SAP30BP: variants seen among roughly 807,000 people sequenced by gnomAD.
SAP30BP encodes the protein SAP30-binding protein.
In SAP30BP, 31 loss-of-function variants were observed where a neutral mutation model predicts 46.3. That is an observed-to-expected ratio of 0.67 (90% CI 0.50 to 0.90). SAP30BP has a LOEUF of 0.90. Ranked by LOEUF, SAP30BP falls within the 40% of genes least tolerant of loss-of-function variation. The probability of loss-of-function intolerance (pLI) is 0.00; values close to 1 mark genes in which losing one functional copy is unlikely to be tolerated. For missense variants in SAP30BP, 312 were observed against 391.0 expected, an observed-to-expected ratio of 0.80 and a Z score of 1.70; for synonymous variants, 169 against 144.2, an observed-to-expected ratio of 1.17 and a Z score of -1.23.
intron 5 of SAP30BP, among the ~76,000 whole-genome samples, chr17:75,700,574 C>T (rs1044896091): frequency 6.6e-5 from 10 of 152,174 alleles, no homozygotes; most frequent in African/African-American, 1.9e-4. Flanking sequence ...ACAGCAAGCC[C>T]GTGACACCGC....
intron 4 of SAP30BP, among the ~76,000 whole-genome samples, chr17:75,696,418 C>A (rs2060319935): frequency 6.6e-6 from 1 of 151,472 alleles, no homozygotes; most frequent in Admixed American, 6.6e-5. Context: ...GTGGTACTTG[C>A]CTATAGTCCA....
At position 75,699,698 on chromosome 17, in the gene SAP30BP, C is replaced by T. The variant is rs1044810012; in HGVS notation, c.308-85C>T. 6.7e-6 allele frequency: 6 copies of T among 899,020 alleles called. No homozygotes were observed. The African/African-American group carries it at 9.8e-5, about 15-fold the overall frequency. 55.7% of individuals were successfully genotyped at this position (899,020 alleles called of 1,614,324 possible). A position where few individuals can be genotyped will look rare whatever the true frequency, so the allele number is the denominator to read the frequency against. Reference sequence around the variant, plus strand: ...CATAGTGTTTATCCCTACCTGATAACATTTTATGTGCTTATGTTTTTTTGT... The same window carrying T: ...CATAGTGTTTATCCCTACCTGATAATATTTTATGTGCTTATGTTTTTTTGT... On this transcript the variant is annotated intron_variant, in intron 4 of 10. Transcript: ENST00000584667.
At chr17:75,679,651 C>T (rs2060045927) in intron 3 of SAP30BP, 1 of 152,186 alleles carries the variant, frequency 6.6e-6, no homozygotes, top group Non-Finnish European at 1.5e-5. Flanking sequence ...TTGCCCCAAA[C>T]TAGCGAACAG....
chr17:75,694,521 A>G (rs2060286125), intron 4 of SAP30BP, among the ~76,000 whole-genome samples: 1 of 152,228 alleles, frequency 6.6e-6, no homozygotes, highest in South Asian at 2.1e-4. Flanking sequence ...AGATTTTCCT[A>G]AAACCTAGAG....
chr17:75,698,879 G>A (rs974499345), intron 4 of SAP30BP, among the ~76,000 whole-genome samples: 1 of 152,200 alleles, frequency 6.6e-6, no homozygotes, highest in East Asian at 1.9e-4. Context: ...CCAGCACACT[G>A]CTGACTCTTT....
At chr17:75,695,262 C>T (rs1034680777) in intron 4 of SAP30BP, among the ~76,000 whole-genome samples, 1 of 152,234 alleles carries the variant, frequency 6.6e-6, no homozygotes, top group African/African-American at 2.4e-5. Flanking sequence ...CACTACGTGC[C>T]AGAGGCACTC....
chr17:75,685,816 G>A (rs1041478869), intron 3 of SAP30BP, among the ~76,000 whole-genome samples: 1 of 152,166 alleles, frequency 6.6e-6, no homozygotes, highest in African/African-American at 2.4e-5. Flanking sequence ...CAGATCCTTG[G>A]TGTGAGGCAA....
At chr17:75,703,669 C>A (rs1385330499) in intron 7 of SAP30BP, 139 bp from the exon 8 acceptor site, 1 of 794,762 alleles carries the variant, frequency 1.3e-6, no homozygotes. Flanking sequence ...GCCAGCCGCC[C>A]CTTGGCTAAA....
At chr17:75,669,591 A>G (rs577482395) in intron 2 of SAP30BP, among the ~76,000 whole-genome samples, 3 of 152,080 alleles carry the variant, frequency 2.0e-5, no homozygotes, top group East Asian at 1.9e-4. Flanking sequence ...TTGTTTCACT[A>G]TGTTTCCCAG....
intron 4 of SAP30BP, among the ~76,000 whole-genome samples, chr17:75,695,597 CT>C (rs2060305814): frequency 6.6e-6 from 1 of 152,174 alleles, no homozygotes; most frequent in African/African-American, 2.4e-5. Context: ...TTTAGTTCCT[CT>C]TACTGAAGAC....
At chr17:75,699,970 G>A in intron 5 of SAP30BP, 99 bp downstream of exon 5, 2 of 827,194 alleles carry the variant, frequency 2.4e-6, no homozygotes. Context: ...CAGGGAAAGG[G>A]ACTGAGGCTT....
intron 6 of SAP30BP, 49 bp downstream of exon 6, chr17:75,702,620 C>G (rs1461835408): frequency 2.2e-6 from 2 of 904,760 alleles, no homozygotes; most frequent in Non-Finnish European, 3.6e-6. Context: ...TAATGTTGGA[C>G]TAAGGACTAA....
chr17:75,682,496 A>G (rs1599119830), intron 3 of SAP30BP, among the ~76,000 whole-genome samples: 1 of 152,000 alleles, frequency 6.6e-6, no homozygotes, highest in African/African-American at 2.4e-5. Flanking sequence ...AAGCCACTGC[A>G]CCCGGCCTCA....
At chr17:75,674,534 G>A (rs547401401) in intron 3 of SAP30BP, among the ~76,000 whole-genome samples, 2 of 151,676 alleles carry the variant, frequency 1.3e-5, no homozygotes. Flanking sequence ...GGCCTCAAGT[G>A]ATAGGCCCGC....
At chr17:75,670,011 G>A (rs951046968) in intron 2 of SAP30BP, among the ~76,000 whole-genome samples, 3 of 152,074 alleles carry the variant, frequency 2.0e-5, no homozygotes, top group African/African-American at 7.2e-5. Flanking sequence ...TTACATGTTG[G>A]TATGTAAATG....
At chr17:75,678,706 T>G (rs1316496415) in intron 3 of SAP30BP, among the ~76,000 whole-genome samples, 2 of 152,032 alleles carry the variant, frequency 1.3e-5, no homozygotes. Flanking sequence ...TGGAGTGCTC[T>G]CAGAAGAGCA....
intron 3 of SAP30BP, among the ~76,000 whole-genome samples, chr17:75,688,704 C>T (rs2060197729): frequency 1.3e-5 from 2 of 152,180 alleles, no homozygotes; most frequent in Non-Finnish European, 2.9e-5. Context: ...CCTCCCAGCT[C>T]AAATGGCAGC....
Position 75,706,395 on chromosome 17 carries a change from C to T in SAP30BP, c.801C>T (p.Ala267=), listed in dbSNP as rs1164806315. The T allele has an allele frequency of 1.2e-6, 2 of 1,614,072 alleles. No homozygotes were observed. The highest frequency in any genetic ancestry group is 2.2e-5 in the South Asian group (2 of 91,080). The part of the protein sequence containing the change: ...WDSAIPVTTI[A]QPTILTTTAT... The stretch of plus-strand genomic sequence containing the variant: ...CGGCTATCCCAGTGACAACGATAGC[C>T]CAGCCCACCATCCTCACCACCACAG... The change falls in exon 11 of 11, where the codon GCC becomes GCT. Residue 267 remains alanine (A), a synonymous_variant. Coordinates refer to ENST00000584667, the MANE Select transcript of SAP30BP (RefSeq NM_013260.8). This position sits in a 1 kb window ranked among gnomAD's most constrained non-coding sequence, Gnocchi z 4.6.
chr17:75,681,147 G>GT (rs1369894589), intron 3 of SAP30BP, among the ~76,000 whole-genome samples: 5 of 152,228 alleles, frequency 3.3e-5, no homozygotes, highest in African/African-American at 1.2e-4. Flanking sequence ...AATAATATGT[G>GT]TAAGTGTGTG....
Sources: gnomAD v4.1 joint callset for allele counts (sites outside exome capture counted in the v4.1 genomes callset) on GRCh38, gnomAD v4.1.1 for gene constraint, Gnocchi (gnomAD v3.1) non-coding constraint, MANE v1.5 for transcripts, NCBI Gene and HGNC (gene_info 2026-07-23, HGNC 2026-07-21) for gene names.